The following LRRC4C variants were observed in gnomAD, a reference collection of about 807,000 sequenced individuals.
The protein encoded by LRRC4C is leucine-rich repeat-containing protein 4C.
A neutral mutation model predicts 33.6 loss-of-function variants in LRRC4C; 5 were observed. That is an observed-to-expected ratio of 0.15 (90% confidence interval 0.08 to 0.31). LRRC4C has a LOEUF of 0.31. Ranked by LOEUF, LRRC4C falls within the 10% of genes least tolerant of loss-of-function variation. The pLI, the probability that LRRC4C is intolerant of heterozygous loss-of-function variation, is 1.00. For synonymous variants in LRRC4C, 329 were observed against 302.0 expected (o/e 1.09, Z -0.93); for missense variants, 560 against 796.7 (o/e 0.70, Z 3.58).
intron 2 of LRRC4C, among the ~76,000 whole-genome samples, chr11:40,787,342 T>A (rs1450740551): frequency 6.6e-6 from 1 of 152,172 alleles, no homozygotes; most frequent in Non-Finnish European, 1.5e-5. Context: ...GACAGTCCGT[T>A]AGTGAATTGT....
chr11:41,364,539 G>A (rs1000631949), intron 1 of LRRC4C, among the ~76,000 whole-genome samples: 4 of 152,240 alleles, frequency 2.6e-5, no homozygotes, highest in African/African-American at 9.6e-5. Flanking sequence ...GCCTCCCAAA[G>A]TGCGAGGATT....
At chr11:40,590,841 A>T (rs1240411787) in intron 3 of LRRC4C, among the ~76,000 whole-genome samples, 1 of 152,254 alleles carries the variant, frequency 6.6e-6, no homozygotes, top group Non-Finnish European at 1.5e-5. Flanking sequence ...CCATTCTCAG[A>T]TCTCCAGCTG....
chr11:40,468,538 TATAGCCTAGCTAGGTTGACTTAAAATTAA>T (rs549592951), intron 3 of LRRC4C, among the ~76,000 whole-genome samples: 2,351 of 152,326 alleles, frequency 0.015, 59 homozygotes, highest in African/African-American at 0.053. Context: ...CAACTGGGCT[TATAGCCTAGCTAGGTTGACTTAAAATTAA>T]CCATCACAGG....
intron 1 of LRRC4C, chr11:41,426,210 C>T (rs1363025793): frequency 6.6e-6 from 1 of 152,224 alleles, no homozygotes; most frequent in Non-Finnish European, 1.5e-5. Flanking sequence ...ATCTCTGCCA[C>T]TTAACTACAT....
chr11:41,322,226 T>C (rs531217949), intron 1 of LRRC4C, among the ~76,000 whole-genome samples: 1 of 151,982 alleles, frequency 6.6e-6, no homozygotes, highest in Non-Finnish European at 1.5e-5. Flanking sequence ...CCACTTCTGA[T>C]GAAAAAAAGT....
chr11:40,554,619 T>G (rs1284381815), intron 3 of LRRC4C, among the ~76,000 whole-genome samples: 2 of 152,208 alleles, frequency 1.3e-5, no homozygotes, highest in African/African-American at 2.4e-5. Flanking sequence ...CATTTCTTTG[T>G]GTCATCTATG....
At chr11:40,657,464 T>G (rs1270317494) in intron 2 of LRRC4C, among the ~76,000 whole-genome samples, 1 of 151,676 alleles carries the variant, frequency 6.6e-6, no homozygotes, top group African/African-American at 2.4e-5. Context: ...AGGTGGAAAC[T>G]GCTTAGGGCA....
chr11:40,464,822 G>A (rs182146989), intron 3 of LRRC4C, among the ~76,000 whole-genome samples: 1 of 151,466 alleles, frequency 6.6e-6, no homozygotes. Flanking sequence ...GACGACACAA[G>A]CAAATGGAAA....
At chr11:41,095,869 G>A (rs1940775381) in intron 1 of LRRC4C, among the ~76,000 whole-genome samples, 1 of 152,120 alleles carries the variant, frequency 6.6e-6, no homozygotes, top group Admixed American at 6.6e-5. Context: ...CAAACCTCAA[G>A]GTGAGGAGTG....
At chr11:40,194,065 T>A (rs2135648487) in intron 5 of LRRC4C, among the ~76,000 whole-genome samples, 2 of 152,212 alleles carry the variant, frequency 1.3e-5, no homozygotes, top group Admixed American at 1.3e-4. Context: ...TTCCCCTACC[T>A]AGCAAGACAG....
At chr11:41,341,814 A>G (rs1318923359) in intron 1 of LRRC4C, among the ~76,000 whole-genome samples, 1 of 152,212 alleles carries the variant, frequency 6.6e-6, no homozygotes, top group Admixed American at 6.5e-5. Context: ...CATAATCTCT[A>G]TCTTCTCAGC....
At chr11:41,259,419 G>A (rs180737791) in intron 1 of LRRC4C, among the ~76,000 whole-genome samples, 1 of 152,114 alleles carries the variant, frequency 6.6e-6, no homozygotes, top group African/African-American at 2.4e-5. Context: ...TACATGGTCA[G>A]ATTAATTTAT....
intron 3 of LRRC4C, among the ~76,000 whole-genome samples, chr11:40,508,376 C>T (rs1369583366): frequency 6.6e-6 from 1 of 151,934 alleles, no homozygotes; most frequent in African/African-American, 2.4e-5. Flanking sequence ...AGACAGAAGG[C>T]TTGGCAAAAA....
intron 1 of LRRC4C, among the ~76,000 whole-genome samples, chr11:41,313,110 T>TAA (rs1249000860): frequency 6.6e-6 from 1 of 152,228 alleles, no homozygotes; most frequent in African/African-American, 2.4e-5. Flanking sequence ...GTTTGATACA[T>TAA]ACGCCTCTTA....
intron 3 of LRRC4C, among the ~76,000 whole-genome samples, chr11:40,641,652 C>T (rs1237199642): frequency 6.6e-6 from 1 of 152,146 alleles, no homozygotes; most frequent in African/African-American, 2.4e-5. Flanking sequence ...ACCTCTCCTG[C>T]TTTCTCAGCA....
rs148933489 is a variant in LRRC4C, at chr11:40,283,588, T to A, written c.-176+36040A>T. Among the ~76,000 whole-genome samples, 372 of 151,970 alleles carry A rather than the reference T, an allele frequency of 2.4e-3. 2 individuals carry two copies. Among genetic ancestry groups the A allele is most frequent in the Middle Eastern group, 3.4e-3 (1 of 294 alleles). ...TTCTTTACCTTAAAGATGTGTTAGA[T>A]CAGGCCACTCATTTATTAGTTCTCC... On this transcript the variant is annotated intron_variant, in intron 4 of 6. Transcript: ENST00000528697.
intron 3 of LRRC4C, among the ~76,000 whole-genome samples, chr11:40,385,819 A>T (rs780794513): frequency 2.0e-4 from 30 of 151,638 alleles, no homozygotes; most frequent in Admixed American, 1.1e-3. Context: ...GTGAGCCGAG[A>T]TCGTGCCATT....
intron 1 of LRRC4C, among the ~76,000 whole-genome samples, chr11:41,157,166 C>A (rs569217997): frequency 1.6e-4 from 24 of 152,156 alleles, no homozygotes; most frequent in African/African-American, 5.8e-4. Context: ...TTATAAATTA[C>A]CTAGTCTCAG....
At chr11:41,304,287 G>A (rs1198455113) in intron 1 of LRRC4C, among the ~76,000 whole-genome samples, 9 of 116,834 alleles carry the variant, frequency 7.7e-5, no homozygotes, top group East Asian at 3.0e-4. Flanking sequence ...CTGCCCGGCC[G>A]CCCCTACTGG....
Sources: gnomAD v4.1 joint callset for allele counts (sites outside exome capture counted in the v4.1 genomes callset) on GRCh38, gnomAD v4.1.1 for gene constraint, MANE v1.5 for transcripts, NCBI Gene and HGNC (gene_info 2026-07-23, HGNC 2026-07-21) for gene names.